The following DIRAS2 variants were observed in gnomAD, a reference collection of about 807,000 sequenced individuals.
DIRAS2 encodes DIRAS family GTPase 2.
In DIRAS2, 5 loss-of-function variants were observed where a neutral mutation model predicts 13.9. That is an observed-to-expected ratio of 0.36 (90% CI 0.19 to 0.76). The LOEUF (loss-of-function observed/expected upper bound fraction) is 0.76. Ranked by LOEUF, DIRAS2 falls within the 30% of genes least tolerant of loss-of-function variation. The probability of loss-of-function intolerance (pLI) is 0.53; values close to 1 mark genes in which losing one functional copy is unlikely to be tolerated. For missense variants in DIRAS2, 191 were observed against 263.0 expected (o/e 0.73, Z 1.89); for synonymous variants, 111 against 105.4 (o/e 1.05, Z -0.33).
intron 1 of DIRAS2, among the ~76,000 whole-genome samples, chr9:90,624,923 G>C (rs2118560348): frequency 1.3e-5 from 2 of 152,224 alleles, no homozygotes; most frequent in East Asian, 3.9e-4. Flanking sequence ...CCCCACACCT[G>C]GCCGCTTAAT....
chr9:90,638,995 T>A (rs1825395418), intron 1 of DIRAS2, among the ~76,000 whole-genome samples: 1 of 152,144 alleles, frequency 6.6e-6, no homozygotes, highest in Non-Finnish European at 1.5e-5. Context: ...GAAGGGCGTG[T>A]GTGTGTTTAT....
At chr9:90,622,105 A>G (rs998057599) in intron 1 of DIRAS2, among the ~76,000 whole-genome samples, 3 of 152,162 alleles carry the variant, frequency 2.0e-5, no homozygotes, top group Non-Finnish European at 4.4e-5. Flanking sequence ...TACAAAAGTA[A>G]GCTAGGCGTG....
intron 1 of DIRAS2, among the ~76,000 whole-genome samples, chr9:90,622,276 TCATACATA>T (rs34592137): frequency 4.0e-5 from 6 of 151,414 alleles, no homozygotes; most frequent in Admixed American, 3.3e-4. Flanking sequence ...ATACATACAT[TCATACATA>T]CATACATACA....
chr9:90,640,119 C>A (rs1825405749), intron 1 of DIRAS2, among the ~76,000 whole-genome samples: 1 of 152,124 alleles, frequency 6.6e-6, no homozygotes, highest in South Asian at 2.1e-4. Context: ...TATATGCTGG[C>A]TTAACTATAT....
intron 1 of DIRAS2, among the ~76,000 whole-genome samples, chr9:90,639,711 C>G (rs900781892): frequency 6.6e-6 from 1 of 152,196 alleles, no homozygotes. Flanking sequence ...CTCGTATCTA[C>G]TCACTGGTTA....
chr9:90,629,113 C>G (rs1344382775), intron 1 of DIRAS2, among the ~76,000 whole-genome samples: 1 of 152,160 alleles, frequency 6.6e-6, no homozygotes, highest in African/African-American at 2.4e-5. Flanking sequence ...CTCGGCCTCC[C>G]AAAGTGTTAG....
In DIRAS2 at chr9:90,610,573, G is replaced by C. The variant is rs752910342; in HGVS notation, c.*2655C>G. On this transcript the variant is annotated 3_prime_UTR_variant, in exon 2 of 2. Coordinates refer to ENST00000375765, the MANE Select transcript of DIRAS2 (RefSeq NM_017594.5). The stretch of plus-strand genomic sequence containing the variant: ...ACTGCTATGCCCATATGCAATGTAG[G>C]ATGTGTTTTCAAGAACCACAGCTAC... The C allele has an allele frequency of 7.6e-6, 3 of 395,826 alleles. No homozygotes were observed. The highest frequency in any genetic ancestry group is 1.3e-5 in the Non-Finnish European group (3 of 224,876). The allele number at this position is 395,826 out of a possible 1,614,324, so 24.5% of individuals were successfully genotyped here.
intron 1 of DIRAS2, among the ~76,000 whole-genome samples, chr9:90,636,368 T>C (rs1825371979): frequency 6.6e-6 from 1 of 152,108 alleles, no homozygotes; most frequent in African/African-American, 2.4e-5. Flanking sequence ...GTGGATAAGA[T>C]GGTTTGCAAT....
rs564059369 is a variant in DIRAS2, at chr9:90,613,081, G to A, written c.*147C>T. 20 of 1,192,792 alleles carry A rather than the reference G, an allele frequency of 1.7e-5. No homozygotes were observed. Among genetic ancestry groups the A allele is most frequent in the Middle Eastern group, 3.0e-4 (1 of 3,368 alleles). 73.9% of individuals were successfully genotyped at this position (1,192,792 alleles called of 1,614,324 possible). ...TGGCTTACTGTTGGTGGTGTGAAAC[G>A]CCCTCTTAAGGACAATAGGACGCAT... On this transcript the variant is annotated 3_prime_UTR_variant, in exon 2 of 2. Coordinates refer to ENST00000375765, the MANE Select transcript of DIRAS2 (RefSeq NM_017594.5). The surrounding 1 kb of genome is among the most constrained non-coding windows in gnomAD (Gnocchi z 5.6).
At chr9:90,636,343 A>T (rs1217753003) in intron 1 of DIRAS2, among the ~76,000 whole-genome samples, 2 of 152,098 alleles carry the variant, frequency 1.3e-5, no homozygotes, top group African/African-American at 4.8e-5. Flanking sequence ...TGAGGTAGGG[A>T]TGGAAGCCAA....
intron 1 of DIRAS2, among the ~76,000 whole-genome samples, chr9:90,624,089 A>AT (rs1291699854): frequency 6.6e-6 from 1 of 152,246 alleles, no homozygotes; most frequent in African/African-American, 2.4e-5. Flanking sequence ...TTTCCGTGAA[A>AT]TGTTATTAGC....
intron 1 of DIRAS2, among the ~76,000 whole-genome samples, chr9:90,640,816 C>A (rs765655936): frequency 1.3e-4 from 20 of 152,176 alleles, no homozygotes; most frequent in Non-Finnish European, 2.4e-4. Flanking sequence ...CAAAGAAATT[C>A]TCTGGTGGAA....
intron 1 of DIRAS2, among the ~76,000 whole-genome samples, chr9:90,625,067 C>G (rs1377547962): frequency 6.6e-6 from 1 of 152,214 alleles, no homozygotes; most frequent in Non-Finnish European, 1.5e-5. Flanking sequence ...GGTCAAGGGA[C>G]TGGTGACCAA....
At chr9:90,629,536 A>T (rs1825304493) in intron 1 of DIRAS2, among the ~76,000 whole-genome samples, 1 of 152,038 alleles carries the variant, frequency 6.6e-6, no homozygotes, top group Admixed American at 6.6e-5. Flanking sequence ...TAGAAAAAAA[A>T]AAAACTGCTG....
At chr9:90,637,716 C>G (rs186245556) in intron 1 of DIRAS2, among the ~76,000 whole-genome samples, 1 of 152,134 alleles carries the variant, frequency 6.6e-6, no homozygotes, top group Non-Finnish European at 1.5e-5. Flanking sequence ...GTTCTTTGCT[C>G]GGTTTTTAGT....
rs1220162711 is a variant in DIRAS2 at position 90,610,506 on chromosome 9, C to T, written c.*2722G>A. ...CATGCCCAGAGCGCCATCTTCAAAG[C>T]AATATTTAATTAAATATTAACTTAT... On this transcript the variant is annotated 3_prime_UTR_variant, in exon 2 of 2. Transcript: ENST00000375765. The T allele has an allele frequency of 1.3e-5, 5 of 398,600 alleles. No homozygotes were observed. Among genetic ancestry groups the T allele is most frequent in the Non-Finnish European group, 1.8e-5 (4 of 226,002 alleles). 24.7% of individuals were successfully genotyped at this position (398,600 alleles called of 1,614,324 possible). A position where few individuals can be genotyped will look rare whatever the true frequency, so the allele number is the denominator to read the frequency against.
chr9:90,631,613 C>T (rs1422086672), intron 1 of DIRAS2, among the ~76,000 whole-genome samples: 1 of 152,056 alleles, frequency 6.6e-6, no homozygotes, highest in Admixed American at 6.5e-5. Flanking sequence ...GCAACTAGCT[C>T]GCCCATGAGA....
At chr9:90,625,579 C>A (rs1440047402) in intron 1 of DIRAS2, among the ~76,000 whole-genome samples, 1 of 152,148 alleles carries the variant, frequency 6.6e-6, no homozygotes, top group Non-Finnish European at 1.5e-5. Context: ...AGAGATAATT[C>A]TTCCCCCATT....
chr9:90,630,452 G>T (rs1381538510), intron 1 of DIRAS2, among the ~76,000 whole-genome samples: 3 of 152,196 alleles, frequency 2.0e-5, no homozygotes, highest in African/African-American at 7.2e-5. Flanking sequence ...TTACAGAAAA[G>T]ATCTTGAAGC....
Sources: allele counts gnomAD v4.1 joint callset (sites outside exome capture counted in the v4.1 genomes callset), GRCh38; gene constraint gnomAD v4.1.1; non-coding constraint Gnocchi (gnomAD v3.1); transcripts MANE v1.5; gene names NCBI Gene and HGNC (gene_info 2026-07-23, HGNC 2026-07-21).